The following NDRG1 variants were observed in gnomAD, a reference collection of about 807,000 sequenced individuals.
NDRG1 encodes N-myc downstream regulated 1, also known as protein NDRG1.
A neutral mutation model predicts 56.9 loss-of-function variants in NDRG1; 32 were observed. The observed-to-expected ratio is 0.56, with a 90% CI of 0.42 to 0.76. The LOEUF (loss-of-function observed/expected upper bound fraction) is 0.76. NDRG1 is among the 30% of genes least tolerant of loss of function. NDRG1 has a pLI of 0.00. For missense variants in NDRG1, 507 were observed against 545.7 expected (o/e 0.93, Z 0.71); for synonymous variants, 211 against 204.1 (o/e 1.03, Z -0.29).
At position 133,248,728 on chromosome 8, in the gene NDRG1, T is replaced by C. The variant is rs1276502410; in HGVS notation, c.742A>G (p.Thr248Ala). 7 of 1,614,196 alleles carry C rather than the reference T, an allele frequency of 4.3e-6. No individual in the cohort carries two copies. The highest frequency in any genetic ancestry group is 5.1e-6 in the Non-Finnish European group (6 of 1,180,028). Residue 248 changes from threonine to alanine, a missense_variant, in exon 11 of 16, where the codon ACA becomes GCA. Coordinates refer to ENST00000323851, the MANE Select transcript of NDRG1 (RefSeq NM_006096.4). ...AAAGCCACTCACTGCAGGGTGACTG[T>C]GTGGGTTCCCGGCATTGGTCGCTCA... is the stretch of plus-strand genomic sequence containing the variant. ...EIERPMPGTH[T>A]VTLQCPALLV... is the part of the protein sequence containing the mutation.
intron 5 of NDRG1, among the ~76,000 whole-genome samples, chr8:133,259,622 T>C (rs1447578417): frequency 6.6e-6 from 1 of 152,122 alleles, no homozygotes; most frequent in East Asian, 1.9e-4. Context: ...GGGTCTAGGG[T>C]GTTGCAGAAA....
intron 1 of NDRG1, among the ~76,000 whole-genome samples, chr8:133,287,300 C>T (rs770883860): frequency 2.6e-5 from 4 of 152,222 alleles, no homozygotes; most frequent in Non-Finnish European, 5.9e-5. Context: ...CCCCACGCCA[C>T]CAGGCTGGCC....
At chr8:133,264,462 C>G in intron 4 of NDRG1, 85 bp downstream of exon 4, 1 of 1,237,944 alleles carries the variant, frequency 8.1e-7, no homozygotes, top group African/African-American at 1.5e-5. Context: ...CCACCAGCTC[C>G]CGGCCATCAG....
chr8:133,249,229 C>T (rs1387147273), intron 10 of NDRG1: 1 of 254,124 alleles, frequency 3.9e-6, no homozygotes, highest in Non-Finnish European at 7.8e-6. Context: ...TCTTTCCATT[C>T]CCTGTCTCAA....
At chr8:133,267,684 T>C (rs1456527900) in intron 3 of NDRG1, among the ~76,000 whole-genome samples, 2 of 152,164 alleles carry the variant, frequency 1.3e-5, no homozygotes. Flanking sequence ...CTGACCCACA[T>C]GGCTCCCTCT....
At chr8:133,243,780 A>G (rs749312917) in intron 14 of NDRG1, among the ~76,000 whole-genome samples, 3 of 152,266 alleles carry the variant, frequency 2.0e-5, no homozygotes, top group Admixed American at 6.5e-5. Flanking sequence ...ATATAAAATT[A>G]TAAGACAACA....
At chr8:133,267,370 C>T (rs1006306692) in intron 3 of NDRG1, among the ~76,000 whole-genome samples, 2 of 152,312 alleles carry the variant, frequency 1.3e-5, no homozygotes, top group Middle Eastern at 3.4e-3. Flanking sequence ...CCAGGCCCAG[C>T]CCCCTGGGAG....
chr8:133,247,764 C>T (rs1372056724), intron 12 of NDRG1, 111 bp downstream of exon 12: 29 of 1,155,302 alleles, frequency 2.5e-5, no homozygotes, highest in Non-Finnish European at 3.5e-5. Context: ...AAAAACATCA[C>T]CTGCCCTGAT....
chr8:133,280,649 T>C (rs895073730), intron 2 of NDRG1, among the ~76,000 whole-genome samples: 7 of 152,126 alleles, frequency 4.6e-5, no homozygotes, highest in African/African-American at 1.4e-4. Context: ...TTAGCCAGGA[T>C]GGTCTCGATT....
intron 12 of NDRG1, 56 bp from the exon 13 acceptor site, chr8:133,246,719 T>C: frequency 1.3e-6 from 2 of 1,482,166 alleles, no homozygotes; most frequent in Non-Finnish European, 1.9e-6. Flanking sequence ...AGCCAAAACA[T>C]CTCCCCCTTC....
intron 2 of NDRG1, among the ~76,000 whole-genome samples, chr8:133,281,357 C>CA (rs569886625): frequency 0.081 from 7,243 of 89,508 alleles, 582 homozygotes; most frequent in African/African-American, 0.23. Flanking sequence ...AACTCCGTCT[C>CA]AAAAAAAAAA....
Position 133,254,551 on chromosome 8 carries a change from G to A in NDRG1, c.582C>T (p.His194=), listed in dbSNP as rs1305919985. 6.2e-7 allele frequency: 1 copy of A among 1,614,118 alleles called. No homozygotes were observed. The highest frequency in any genetic ancestry group is 8.5e-7 in the Non-Finnish European group (1 of 1,179,986). Reference sequence around the variant, plus strand: ...CCACGCAACTCACCTTCCCAAAAAGGTGGGACACCACCATGTCCGGCAGAG... The same window carrying A: ...CCACGCAACTCACCTTCCCAAAAAGATGGGACACCACCATGTCCGGCAGAG... ...TQALPDMVVS[H]LFGKEEMQSN... The change falls in exon 9 of 16, where the codon CAC becomes CAT. Residue 194 remains histidine, a synonymous_variant. Coordinates refer to ENST00000323851, the MANE Select transcript of NDRG1 (RefSeq NM_006096.4).
chr8:133,288,953 C>T (rs144557860), intron 1 of NDRG1, among the ~76,000 whole-genome samples: 217 of 152,304 alleles, frequency 1.4e-3, no homozygotes, highest in African/African-American at 5.1e-3. Context: ...GGAGGAATTC[C>T]GAGAAGACCA....
intron 1 of NDRG1, among the ~76,000 whole-genome samples, chr8:133,295,422 T>C (rs1046851998): frequency 8.5e-5 from 13 of 152,118 alleles, no homozygotes; most frequent in African/African-American, 3.1e-4. Context: ...CAAAACCCTC[T>C]CTCTCCCTTA....
At chr8:133,250,317 G>T in intron 10 of NDRG1, 123 bp downstream of exon 10, 2 of 918,614 alleles carry the variant, frequency 2.2e-6, no homozygotes, top group Non-Finnish European at 3.6e-6. Flanking sequence ...TAATCTATTT[G>T]CTCAAACTCA....
rs1857978911 is a variant in NDRG1 at position 133,284,297 on chromosome 8, C to T, written c.15G>A (p.Met5Ile). Residue 5 changes from methionine to isoleucine, a missense_variant, in exon 2 of 16, where the codon ATG becomes ATA. Transcript: ENST00000323851. MSRE[M>I]QDVDLAEVKP... is the part of the protein sequence containing the mutation. Reference sequence around the variant, plus strand: ...TCACCTCAGCGAGGTCTACATCCTGCATCTCCCGAGACATGTCCCTGCTGT... The same window carrying T: ...TCACCTCAGCGAGGTCTACATCCTGTATCTCCCGAGACATGTCCCTGCTGT... The T allele has an allele frequency of 6.2e-7, 1 of 1,614,172 alleles. No homozygotes were observed. Among genetic ancestry groups the T allele is most frequent in the Non-Finnish European group, 8.5e-7 (1 of 1,180,032 alleles).
At chr8:133,248,409 T>C (rs1202820937) in intron 11 of NDRG1, among the ~76,000 whole-genome samples, 1 of 152,194 alleles carries the variant, frequency 6.6e-6, no homozygotes, top group Non-Finnish European at 1.5e-5. Context: ...ATCCCTAGGC[T>C]TCATGGAGCA....
At chr8:133,246,428 C>T (rs1438183186) in intron 13 of NDRG1, among the ~76,000 whole-genome samples, 188 bp downstream of exon 13, 3 of 152,214 alleles carry the variant, frequency 2.0e-5, no homozygotes, top group African/African-American at 7.2e-5. Context: ...GAGAAGGATC[C>T]CTCATCTTTG....
chr8:133,251,424 A>T (rs1856037999), intron 9 of NDRG1, among the ~76,000 whole-genome samples: 1 of 152,236 alleles, frequency 6.6e-6, no homozygotes, highest in Non-Finnish European at 1.5e-5. Context: ...TGGAAAAAAT[A>T]GTCAGGAATC....
Sources: allele counts gnomAD v4.1 joint callset (sites outside exome capture counted in the v4.1 genomes callset), GRCh38; gene constraint gnomAD v4.1.1; transcripts MANE v1.5; gene names NCBI Gene and HGNC (gene_info 2026-07-23, HGNC 2026-07-21).